The following FILIP1L variants were observed in gnomAD, a reference collection of about 807,000 sequenced individuals.
FILIP1L encodes the protein filamin A interacting protein 1 like.
FILIP1L carries 55 observed loss-of-function variants against 96.6 expected under a neutral mutation model. The ratio of observed to expected loss-of-function variants is 0.57; its 90% CI spans 0.46 to 0.71. The LOEUF is 0.71. Ranked by LOEUF, FILIP1L falls within the 30% of genes least tolerant of loss-of-function variation. The probability of loss-of-function intolerance (pLI) is 0.00; values close to 1 mark genes in which losing one functional copy is unlikely to be tolerated. For synonymous variants in FILIP1L, 467 were observed against 473.9 expected (o/e 0.99, Z 0.19); for missense variants, 1,304 against 1,321.2 (o/e 0.99, Z 0.20).
rs1707041156 is a variant in FILIP1L at position 99,918,981 on chromosome 3, TACAATGTATTCTACA to T, written c.605+5234_605+5248del. Among the ~76,000 whole-genome samples, 8 of 152,346 alleles carry T rather than the reference TACAATGTATTCTACA, an allele frequency of 5.3e-5. No individual in the cohort carries two copies. In the South Asian group the frequency reaches 1.7e-3, roughly 32 times the overall value. The stretch of plus-strand genomic sequence containing the variant: ...CTGAAAGGAAATGATTGCATTTGAG[TACAATGTATTCTACA>T]ACAATAGTTTAGTGTGTATGAAATT... On this transcript the variant is annotated intron_variant, in intron 4 of 5. Transcript: ENST00000477258.
intron 1 of FILIP1L, among the ~76,000 whole-genome samples, chr3:100,107,194 CT>C (rs2066410151): frequency 6.6e-6 from 1 of 152,100 alleles, no homozygotes; most frequent in African/African-American, 2.4e-5. Flanking sequence ...TTTGAGTTCT[CT>C]TTTCAACTGA....
At chr3:99,907,993 A>C (rs1706676120) in intron 4 of FILIP1L, among the ~76,000 whole-genome samples, 1 of 152,264 alleles carries the variant, frequency 6.6e-6, no homozygotes, top group Non-Finnish European at 1.5e-5. Flanking sequence ...TTTTTCAGGT[A>C]CTGAAACTGT....
intron 3 of FILIP1L, among the ~76,000 whole-genome samples, chr3:99,926,589 A>G (rs764817523): frequency 1.3e-4 from 20 of 152,246 alleles, no homozygotes; most frequent in Non-Finnish European, 1.5e-4. Flanking sequence ...AATACATTCA[A>G]TTTAATTTGT....
At chr3:99,997,580 T>C (rs916043870) in intron 1 of FILIP1L, among the ~76,000 whole-genome samples, 3 of 152,118 alleles carry the variant, frequency 2.0e-5, no homozygotes, top group African/African-American at 7.2e-5. Flanking sequence ...ATATTCACAA[T>C]AGATGGTAGG....
intron 4 of FILIP1L, among the ~76,000 whole-genome samples, chr3:99,908,457 G>C (rs569447102): frequency 3.2e-4 from 49 of 152,206 alleles, no homozygotes; most frequent in African/African-American, 1.2e-3. Context: ...AGTATGTTTG[G>C]GGTTGGGCCC....
At chr3:100,085,090 TG>T (rs148809973) in intron 1 of FILIP1L, among the ~76,000 whole-genome samples, 9 of 152,346 alleles carry the variant, frequency 5.9e-5, no homozygotes, top group Non-Finnish European at 1.0e-4. Flanking sequence ...TCCCCTAAAG[TG>T]GTGGTTTCCA....
At chr3:99,847,922 C>A in intron 5 of FILIP1L, 1 of 988,862 alleles carries the variant, frequency 1.0e-6, no homozygotes, top group Non-Finnish European at 1.2e-6. Context: ...ATTCAGCAAG[C>A]AATGGTAAAA....
At chr3:100,061,046 A>G (rs2107344370) in intron 1 of FILIP1L, among the ~76,000 whole-genome samples, 1 of 152,260 alleles carries the variant, frequency 6.6e-6, no homozygotes, top group African/African-American at 2.4e-5. Flanking sequence ...CCCAAGATTT[A>G]TTAGCAGGGC....
At chr3:99,968,450 A>G (rs1708720407) in intron 1 of FILIP1L, among the ~76,000 whole-genome samples, 1 of 152,036 alleles carries the variant, frequency 6.6e-6, no homozygotes, top group Non-Finnish European at 1.5e-5. Context: ...AAAAGACTGA[A>G]TGATATGTTG....
At chr3:99,963,915 C>T (rs1341060506) in intron 1 of FILIP1L, among the ~76,000 whole-genome samples, 1 of 152,136 alleles carries the variant, frequency 6.6e-6, no homozygotes, top group Admixed American at 6.5e-5. Flanking sequence ...CGCGCCCAGC[C>T]ACATCCATTT....
chr3:99,952,873 A>G (rs980048159), intron 1 of FILIP1L, among the ~76,000 whole-genome samples: 3 of 152,200 alleles, frequency 2.0e-5, no homozygotes, highest in Non-Finnish European at 2.9e-5. Flanking sequence ...GTTTTTCTGC[A>G]TAATGAAAAA....
At chr3:99,916,437 TACACACACACACACACAC>T (rs10529210) in intron 4 of FILIP1L, among the ~76,000 whole-genome samples, 44 of 137,068 alleles carry the variant, frequency 3.2e-4, no homozygotes, top group South Asian at 1.0e-3. Context: ...TAACGGTTTA[TACACACACACACACACAC>T]ACACACACAC....
intron 4 of FILIP1L, among the ~76,000 whole-genome samples, chr3:99,871,284 C>A (rs1944773455): frequency 6.6e-6 from 1 of 152,144 alleles, no homozygotes; most frequent in Non-Finnish European, 1.5e-5. Flanking sequence ...AAGGGGCCCT[C>A]CACAGCCCAC....
intron 1 of FILIP1L, among the ~76,000 whole-genome samples, chr3:99,958,097 T>C (rs927699944): frequency 5.4e-4 from 81 of 150,748 alleles, no homozygotes; most frequent in African/African-American, 1.9e-3. Flanking sequence ...AATTTTAATT[T>C]CCAGGATACA....
intron 1 of FILIP1L, among the ~76,000 whole-genome samples, chr3:100,068,290 C>T (rs952392765): frequency 1.3e-5 from 2 of 151,838 alleles, no homozygotes; most frequent in Non-Finnish European, 2.9e-5. Context: ...GCAATTTTGC[C>T]ATGTTATTAT....
intron 1 of FILIP1L, among the ~76,000 whole-genome samples, chr3:99,943,561 G>A (rs1412770266): frequency 6.6e-6 from 1 of 152,096 alleles, no homozygotes; most frequent in South Asian, 2.1e-4. Flanking sequence ...AAAATTAGCC[G>A]GGCGTGGTGG....
chr3:100,080,017 A>G (rs1331641980), intron 1 of FILIP1L, among the ~76,000 whole-genome samples: 4 of 152,222 alleles, frequency 2.6e-5, no homozygotes, highest in Non-Finnish European at 5.9e-5. Context: ...AGAATTCACC[A>G]TATGAGAAAT....
chr3:99,860,506 A>T, intron 4 of FILIP1L, among the ~76,000 whole-genome samples: 1 of 152,202 alleles, frequency 6.6e-6, no homozygotes, highest in East Asian at 1.9e-4. Flanking sequence ...ACTGAGAAAA[A>T]GGGTCTCTGA....
intron 1 of FILIP1L, among the ~76,000 whole-genome samples, chr3:99,975,370 G>T (rs1194778670): frequency 6.6e-6 from 1 of 152,072 alleles, no homozygotes; most frequent in Non-Finnish European, 1.5e-5. Context: ...CAACAGACAG[G>T]CAGTGAATTC....
Sources: gnomAD v4.1 joint callset for allele counts (sites outside exome capture counted in the v4.1 genomes callset) on GRCh38, gnomAD v4.1.1 for gene constraint, MANE v1.5 for transcripts, NCBI Gene and HGNC (gene_info 2026-07-23, HGNC 2026-07-21) for gene names.